FHOD3: variants seen among roughly 807,000 people sequenced by gnomAD.
FHOD3 encodes formin homology 2 domain containing 3, also known as FH1/FH2 domain-containing protein 3.
In FHOD3, 90 loss-of-function variants were observed where a neutral mutation model predicts 173.0. The ratio of observed to expected loss-of-function variants is 0.52; its 90% CI spans 0.44 to 0.62. The LOEUF (loss-of-function observed/expected upper bound fraction) is 0.62, where lower values mean the gene tolerates loss of function less well. Among genes scored for constraint, FHOD3 ranks in the 20% least tolerant of loss-of-function variants. FHOD3 has a pLI of 0.00. For synonymous variants in FHOD3, 828 were observed against 823.0 expected (o/e 1.01, Z -0.10); for missense variants, 1,945 against 2,034.7 (o/e 0.96, Z 0.85).
At position 36,754,976 on chromosome 18, in the gene FHOD3, T is replaced by TTTATTATTA. The variant is rs142900451; in HGVS notation, c.4233-110_4233-102dup. ...ACTGAGAGTGTGGCTTGTTGGTTTC[T>TTTATTATTA]TTATTATTATTATTATTATTATTAT... On this transcript the variant is annotated intron_variant, in intron 24 of 28. Transcript: ENST00000590592. The TTTATTATTA allele has an allele frequency of 6.3e-3, 1,054 of 168,248 alleles. 10 individuals are homozygous for TTTATTATTA. The highest frequency in any genetic ancestry group is 0.016 in the East Asian group (95 of 5,846). 10.4% of individuals were successfully genotyped at this position (168,248 alleles called of 1,614,324 possible).
chr18:36,303,343 C>G (rs1470776894), intron 1 of FHOD3, among the ~76,000 whole-genome samples: 2 of 152,166 alleles, frequency 1.3e-5, no homozygotes. Flanking sequence ...AGCCCATGCT[C>G]TCTGTGCAGA....
At chr18:36,386,891 G>A (rs983590915) in intron 3 of FHOD3, among the ~76,000 whole-genome samples, 9 of 152,164 alleles carry the variant, frequency 5.9e-5, no homozygotes, top group African/African-American at 2.2e-4. Context: ...CCATTCATGG[G>A]CCAGGCAAGA....
intron 17 of FHOD3, among the ~76,000 whole-genome samples, chr18:36,695,368 AG>A (rs1348664912): frequency 1.3e-5 from 2 of 151,506 alleles, no homozygotes; most frequent in Admixed American, 6.6e-5. Context: ...AAAAAAAAAA[AG>A]AATATTTGCA....
chr18:36,579,604 A>G (rs944190129), intron 6 of FHOD3, among the ~76,000 whole-genome samples: 1 of 152,214 alleles, frequency 6.6e-6, no homozygotes, highest in African/African-American at 2.4e-5. Context: ...GATTAATGCC[A>G]TTATAAGAAG....
chr18:36,586,171 T>G (rs554356231), intron 6 of FHOD3, among the ~76,000 whole-genome samples: 1 of 152,322 alleles, frequency 6.6e-6, no homozygotes, highest in South Asian at 2.1e-4. Flanking sequence ...ATTTGTCACA[T>G]TTTCCCAAGG....
rs60873084 is a variant in FHOD3, at chr18:36,598,517, G to T, written c.718+3619G>T. On this transcript the variant is annotated intron_variant, in intron 7 of 28. Coordinates refer to ENST00000590592, the MANE Select transcript of FHOD3 (RefSeq NM_001281740.3). The stretch of plus-strand genomic sequence containing the variant: ...CCAAAGGGGTTAAAGTCCAGCGTAA[G>T]GAGTGATCAGTGTTTATGAAGAAGG... Among the ~76,000 whole-genome samples, 1,561 of 152,190 alleles carry T rather than the reference G, an allele frequency of 0.01. 104 individuals are homozygous for T. In the South Asian group the frequency reaches 0.15, roughly 15 times the overall value.
chr18:36,689,837 A>C (rs923964521), intron 16 of FHOD3, among the ~76,000 whole-genome samples: 1 of 152,170 alleles, frequency 6.6e-6, no homozygotes, highest in Admixed American at 6.5e-5. Context: ...GGTTTTGGAA[A>C]TTGTGCATGA....
At chr18:36,367,250 G>A (rs1272587087) in intron 2 of FHOD3, among the ~76,000 whole-genome samples, 2 of 152,204 alleles carry the variant, frequency 1.3e-5, no homozygotes, top group African/African-American at 2.4e-5. Flanking sequence ...TGCCTCCATA[G>A]GGGTTTCCTT....
intron 3 of FHOD3, among the ~76,000 whole-genome samples, chr18:36,454,259 CAG>C (rs1163779856): frequency 9.9e-5 from 15 of 151,888 alleles, no homozygotes; most frequent in African/African-American, 2.7e-4. Flanking sequence ...AGGGCATACA[CAG>C]GGGCACACAC....
chr18:36,466,051 C>A (rs1056634761), intron 3 of FHOD3, among the ~76,000 whole-genome samples: 2 of 152,158 alleles, frequency 1.3e-5, no homozygotes, highest in African/African-American at 2.4e-5. Flanking sequence ...TCTCACCCAC[C>A]CCCAATGCAT....
At chr18:36,758,389 TA>T (rs2150238171) in intron 25 of FHOD3, among the ~76,000 whole-genome samples, 1 of 152,370 alleles carries the variant, frequency 6.6e-6, no homozygotes, top group South Asian at 2.1e-4. Context: ...AGAAGAGAGA[TA>T]TTTTATTTAA....
At chr18:36,350,954 GT>G (rs1226792802) in intron 1 of FHOD3, among the ~76,000 whole-genome samples, 1 of 152,098 alleles carries the variant, frequency 6.6e-6, no homozygotes, top group Non-Finnish European at 1.5e-5. Flanking sequence ...GACTTTTGCT[GT>G]TTTCAACATA....
intron 5 of FHOD3, among the ~76,000 whole-genome samples, chr18:36,555,186 T>A (rs1763289581): frequency 6.6e-6 from 1 of 152,174 alleles, no homozygotes; most frequent in African/African-American, 2.4e-5. Context: ...AATTTCCTTC[T>A]AGGTACTTCT....
At chr18:36,707,789 A>C (rs576251704) in intron 17 of FHOD3, among the ~76,000 whole-genome samples, 1 of 151,944 alleles carries the variant, frequency 6.6e-6, no homozygotes, top group Admixed American at 6.6e-5. Flanking sequence ...GCGTGTTCTC[A>C]TGGAATCTGG....
chr18:36,393,731 C>G (rs879380242), intron 3 of FHOD3, among the ~76,000 whole-genome samples: 2 of 152,190 alleles, frequency 1.3e-5, no homozygotes, highest in Non-Finnish European at 2.9e-5. Context: ...GCCTAATTCT[C>G]TAAGCAGCTT....
intron 17 of FHOD3, among the ~76,000 whole-genome samples, chr18:36,702,128 C>T (rs1292375998): frequency 6.6e-6 from 1 of 152,180 alleles, no homozygotes; most frequent in Non-Finnish European, 1.5e-5. Context: ...AGCAGTGATT[C>T]TCAACCAGGG....
intron 5 of FHOD3, among the ~76,000 whole-genome samples, chr18:36,551,165 C>T (rs1410800294): frequency 6.6e-6 from 1 of 152,092 alleles, no homozygotes; most frequent in Non-Finnish European, 1.5e-5. Context: ...TTGAAATGAT[C>T]ATTTTTTGTT....
intron 3 of FHOD3, among the ~76,000 whole-genome samples, chr18:36,389,909 C>G (rs2048213930): frequency 6.6e-6 from 1 of 152,126 alleles, no homozygotes; most frequent in African/African-American, 2.4e-5. Context: ...GTCACCTGCC[C>G]CTGTGGTAGG....
In FHOD3 at chr18:36,730,895, G is replaced by A. The variant is rs1354277604; in HGVS notation, c.3576+91G>A. 8 of 1,367,040 alleles carry A rather than the reference G, an allele frequency of 5.9e-6. No homozygotes were observed. The Admixed American group carries it at 1.4e-4, about 24-fold the overall frequency. The allele number at this position is 1,367,040 out of a possible 1,614,324, so 84.7% of individuals were successfully genotyped here. A position where few individuals can be genotyped will look rare whatever the true frequency, so the allele number is the denominator to read the frequency against. On this transcript the variant is annotated intron_variant, in intron 20 of 28. Coordinates refer to ENST00000590592, the MANE Select transcript of FHOD3 (RefSeq NM_001281740.3). ...GTCCACATTTCAAAAGATCCATGGT[G>A]CCTTTCTGTCTCAACTAGACTCTGA... is the stretch of plus-strand genomic sequence containing the variant.
Sources: gnomAD v4.1 joint callset for allele counts (sites outside exome capture counted in the v4.1 genomes callset) on GRCh38, gnomAD v4.1.1 for gene constraint, MANE v1.5 for transcripts, NCBI Gene and HGNC (gene_info 2026-07-23, HGNC 2026-07-21) for gene names.